Variants in BRINP2 observed in about 807,000 individuals in gnomAD.
BRINP2 encodes the protein BMP/retinoic acid inducible neural specific 2, also known as BMP/retinoic acid-inducible neural-specific protein 2.
BRINP2 carries 21 observed loss-of-function variants against 69.2 expected under a neutral mutation model. The observed-to-expected ratio is 0.30, with a 90% CI of 0.22 to 0.44. The LOEUF (loss-of-function observed/expected upper bound fraction) is 0.44, where lower values mean the gene tolerates loss of function less well. Ranked by LOEUF, BRINP2 falls within the 20% of genes least tolerant of loss-of-function variation. The pLI, the probability that BRINP2 is intolerant of heterozygous loss-of-function variation, is 1.00. For missense variants in BRINP2, 877 were observed against 986.0 expected, an observed-to-expected ratio of 0.89 and a Z score of 1.48; for synonymous variants, 380 against 394.1, an observed-to-expected ratio of 0.96 and a Z score of 0.42.
At chr1:177,185,572 C>T (rs1648404547) in intron 1 of BRINP2, among the ~76,000 whole-genome samples, 1 of 152,146 alleles carries the variant, frequency 6.6e-6, no homozygotes, top group African/African-American at 2.4e-5. Context: ...CAAACGTAAT[C>T]ATTCTTTATT....
intron 1 of BRINP2, among the ~76,000 whole-genome samples, chr1:177,177,541 G>A (rs1648122856): frequency 6.6e-6 from 1 of 152,074 alleles, no homozygotes; most frequent in Non-Finnish European, 1.5e-5. Context: ...CCTGTGGGAT[G>A]GTTATTAACT....
chr1:177,256,312 A>AGG, intron 3 of BRINP2: 1 of 984,850 alleles, frequency 1.0e-6, no homozygotes, highest in Middle Eastern at 5.2e-4. Flanking sequence ...TTCCCTGAGG[A>AGG]GGGGAAGTTG....
intron 1 of BRINP2, among the ~76,000 whole-genome samples, chr1:177,191,183 CT>C (rs1648585087): frequency 6.6e-6 from 1 of 152,182 alleles, no homozygotes; most frequent in Admixed American, 6.5e-5. Context: ...TGTGTTCTAA[CT>C]GAATAAGTGG....
At position 177,256,067 on chromosome 1, in the gene BRINP2, A is replaced by T; in HGVS notation, c.418A>T (p.Lys140Ter). The T allele has an allele frequency of 6.2e-7, 1 of 1,614,210 alleles. No homozygotes were observed. The highest frequency in any genetic ancestry group is 8.5e-7 in the Non-Finnish European group (1 of 1,180,036). Reference sequence around the variant, plus strand: ...GCAACAGGTTACAGAAAATCTGATTAAAAAGTACGGCACTCATTTCTTACT... The same window carrying T: ...GCAACAGGTTACAGAAAATCTGATTTAAAAGTACGGCACTCATTTCTTACT... ...NLQQVTENLI[K>*]KYGTHFLLSA... Residue 140 changes from lysine to a stop codon, truncating the protein, a stop_gained, in exon 3 of 8, where the codon AAA becomes TAA. Coordinates refer to ENST00000361539, the MANE Select transcript of BRINP2 (RefSeq NM_021165.4). LOFTEE classifies it high-confidence loss of function.
rs1221981477 is a variant in BRINP2, at chr1:177,268,816, G to T, written c.670-4672G>T. Among the ~76,000 whole-genome samples, 6 of 152,134 alleles carry T rather than the reference G, an allele frequency of 3.9e-5. No homozygotes were observed. The East Asian group carries it at 1.2e-3, about 29-fold the overall frequency. ...AGATTTTTCATAAAATACTTGAGAG[G>T]TGAAGGCAGACTTACATGGTTTAGT... is the stretch of plus-strand genomic sequence containing the variant. On this transcript the variant is annotated intron_variant, in intron 4 of 7. Transcript: ENST00000361539.
At chr1:177,246,148 A>C (rs1650370870) in intron 2 of BRINP2, among the ~76,000 whole-genome samples, 1 of 152,180 alleles carries the variant, frequency 6.6e-6, no homozygotes, top group Admixed American at 6.5e-5. Context: ...AAGGGCTGAG[A>C]TATTACTTAA....
At chr1:177,187,397 C>T (rs924188749) in intron 1 of BRINP2, among the ~76,000 whole-genome samples, 1 of 152,162 alleles carries the variant, frequency 6.6e-6, no homozygotes, top group Non-Finnish European at 1.5e-5. Flanking sequence ...TAGACCCAGA[C>T]CTTTTGGCAA....
intron 1 of BRINP2, among the ~76,000 whole-genome samples, chr1:177,189,091 C>A (rs763985960): frequency 7.2e-5 from 11 of 152,098 alleles, no homozygotes; most frequent in African/African-American, 2.2e-4. Flanking sequence ...GTCTTTAATG[C>A]AGTCATAACT....
At chr1:177,218,354 G>C (rs1649435489) in intron 1 of BRINP2, among the ~76,000 whole-genome samples, 1 of 152,178 alleles carries the variant, frequency 6.6e-6, no homozygotes, top group Non-Finnish European at 1.5e-5. Context: ...TCTTCTGGGA[G>C]TGACCAGCTC....
chr1:177,276,550 A>T, intron 6 of BRINP2, 116 bp downstream of exon 6: 1 of 918,144 alleles, frequency 1.1e-6, no homozygotes. Flanking sequence ...TGACATGACC[A>T]CTTAATTGTG....
chr1:177,255,897 T>C (rs771989043), intron 2 of BRINP2, 22 bp from the exon 3 acceptor site: 1 of 1,611,010 alleles, frequency 6.2e-7, no homozygotes, highest in Non-Finnish European at 8.5e-7. Flanking sequence ...AGCTTTTCCT[T>C]ATCCCTTGGC....
intron 2 of BRINP2, among the ~76,000 whole-genome samples, chr1:177,248,799 T>C (rs1197788125): frequency 6.6e-6 from 1 of 152,196 alleles, no homozygotes; most frequent in African/African-American, 2.4e-5. Context: ...AATCAGTAGC[T>C]TGAGTCGGAG....
rs146436939 is a variant in BRINP2, at chr1:177,203,209, C to T, written c.-76-26592C>T. Among the ~76,000 whole-genome samples the T allele has an allele frequency of 5.3e-3, 799 of 149,988 alleles. 7 individuals carry two copies. The highest frequency in any genetic ancestry group is 8.0e-3 in the Non-Finnish European group (542 of 67,990). On this transcript the variant is annotated intron_variant, in intron 1 of 7. Coordinates refer to ENST00000361539, the MANE Select transcript of BRINP2 (RefSeq NM_021165.4). Reference sequence around the variant, plus strand: ...GGATGAAGCTGGAAACCATCATTCTCAGCAAACTATCGCAAGGACAAAAAA... The same window carrying T: ...GGATGAAGCTGGAAACCATCATTCTTAGCAAACTATCGCAAGGACAAAAAA...
At chr1:177,257,747 G>T (rs1438658894) in intron 4 of BRINP2, among the ~76,000 whole-genome samples, 2 of 152,194 alleles carry the variant, frequency 1.3e-5, no homozygotes, top group Non-Finnish European at 2.9e-5. Context: ...TGGGGAGGGA[G>T]CAGCTCATAC....
chr1:177,213,268 A>T (rs976035720), intron 1 of BRINP2, among the ~76,000 whole-genome samples: 1 of 152,144 alleles, frequency 6.6e-6, no homozygotes, highest in Non-Finnish European at 1.5e-5. Flanking sequence ...TCACGGAATT[A>T]TTTATGGTGG....
At chr1:177,255,549 G>A (rs921755003) in intron 2 of BRINP2, among the ~76,000 whole-genome samples, 10 of 152,270 alleles carry the variant, frequency 6.6e-5, no homozygotes, top group African/African-American at 2.2e-4. Flanking sequence ...ACTCATTCAC[G>A]GTAAGACAAC....
chr1:177,218,737 G>A (rs1465007597), intron 1 of BRINP2, among the ~76,000 whole-genome samples: 2 of 152,088 alleles, frequency 1.3e-5, no homozygotes, highest in East Asian at 3.9e-4. Flanking sequence ...AGAGAGGAAG[G>A]GCAACGTGGT....
chr1:177,196,244 G>A (rs1648739872), intron 1 of BRINP2, among the ~76,000 whole-genome samples: 1 of 152,130 alleles, frequency 6.6e-6, no homozygotes, highest in African/African-American at 2.4e-5. Flanking sequence ...AATGAACCTT[G>A]GATGCTTACC....
intron 2 of BRINP2, among the ~76,000 whole-genome samples, chr1:177,247,222 A>G (rs1650414970): frequency 6.6e-6 from 1 of 152,192 alleles, no homozygotes; most frequent in Admixed American, 6.5e-5. Flanking sequence ...CTGTGTCTGA[A>G]ATTCTTTAGG....
Sources: gnomAD v4.1 joint callset for allele counts (sites outside exome capture counted in the v4.1 genomes callset) on GRCh38, gnomAD v4.1.1 for gene constraint, MANE v1.5 for transcripts, NCBI Gene and HGNC (gene_info 2026-07-23, HGNC 2026-07-21) for gene names.